The following FBXL7 variants were observed in gnomAD, a reference collection of about 807,000 sequenced individuals.
FBXL7 encodes F-box/LRR-repeat protein 7.
A neutral mutation model predicts 38.3 loss-of-function variants in FBXL7; 12 were observed. The observed-to-expected ratio is 0.31, with a 90% confidence interval of 0.20 to 0.51. FBXL7 has a LOEUF of 0.51. Among genes scored for constraint, FBXL7 ranks in the 20% least tolerant of loss-of-function variants. FBXL7 has a pLI of 0.98. For synonymous variants in FBXL7, 297 were observed against 300.9 expected (o/e 0.99, Z 0.13); for missense variants, 567 against 676.4 (o/e 0.84, Z 1.79).
intron 1 of FBXL7, among the ~76,000 whole-genome samples, chr5:15,567,744 C>G (rs934359887): frequency 1.3e-5 from 2 of 151,834 alleles, no homozygotes; most frequent in Non-Finnish European, 2.9e-5. Context: ...TATCCCTCCC[C>G]CCTCACCCCA....
chr5:15,801,381 A>G (rs1737559208), intron 2 of FBXL7, among the ~76,000 whole-genome samples: 2 of 152,208 alleles, frequency 1.3e-5, no homozygotes, highest in Non-Finnish European at 2.9e-5. Context: ...AGCCACATAT[A>G]TGGAGAACTT....
chr5:15,824,473 T>G (rs1471676156), intron 2 of FBXL7, among the ~76,000 whole-genome samples: 7 of 151,996 alleles, frequency 4.6e-5, no homozygotes, highest in Non-Finnish European at 8.8e-5. Context: ...CTTGTGACCG[T>G]GGCGCCCTCT....
intron 1 of FBXL7, among the ~76,000 whole-genome samples, chr5:15,520,076 A>T (rs1321011715): frequency 6.7e-6 from 1 of 148,676 alleles, no homozygotes; most frequent in Non-Finnish European, 1.5e-5. Flanking sequence ...TAACTTCCTG[A>T]TATATTGCCA....
intron 2 of FBXL7, among the ~76,000 whole-genome samples, chr5:15,701,091 A>G (rs1021879714): frequency 3.3e-5 from 5 of 152,134 alleles, no homozygotes; most frequent in African/African-American, 1.2e-4. Flanking sequence ...GACATTTGTG[A>G]ATTTTTTGAG....
chr5:15,615,715 A>G (rs1740423542), intron 1 of FBXL7, among the ~76,000 whole-genome samples: 1 of 152,210 alleles, frequency 6.6e-6, no homozygotes, highest in Non-Finnish European at 1.5e-5. Flanking sequence ...AGATTATGTT[A>G]TCATATTTGA....
intron 2 of FBXL7, among the ~76,000 whole-genome samples, chr5:15,867,310 C>G (rs1259970803): frequency 2.0e-5 from 3 of 152,162 alleles, no homozygotes; most frequent in Non-Finnish European, 4.4e-5. Flanking sequence ...AGAAGACTAC[C>G]TATCATCTCC....
At chr5:15,584,820 A>G (rs1312439945) in intron 1 of FBXL7, among the ~76,000 whole-genome samples, 3 of 152,214 alleles carry the variant, frequency 2.0e-5, no homozygotes, top group Non-Finnish European at 2.9e-5. Context: ...AAGAGTTTCA[A>G]TTGACTCACA....
chr5:15,534,327 A>G lies in FBXL7; in HGVS notation c.37+33614A>G, dbSNP rs574062418. Among the ~76,000 whole-genome samples the G allele has an allele frequency of 7.1e-4, 107 of 151,716 alleles. 1 individual carries two copies. The highest frequency in any genetic ancestry group is 2.4e-3 in the African/African-American group (101 of 41,280). ...CCTAAAAATCCTCTGTGCTCTGCCT[A>G]TTCTCTCCCTAACTCCTTGGCAACC... On this transcript the variant is annotated intron_variant, in intron 1 of 3. Coordinates refer to ENST00000504595, the MANE Select transcript of FBXL7 (RefSeq NM_012304.5).
At chr5:15,780,059 CT>C (rs1231677226) in intron 2 of FBXL7, among the ~76,000 whole-genome samples, 1 of 152,116 alleles carries the variant, frequency 6.6e-6, no homozygotes, top group Non-Finnish European at 1.5e-5. Context: ...TTGGCCAGTC[CT>C]CCTTTGAAAC....
chr5:15,666,722 C>A (rs968345549), intron 2 of FBXL7, among the ~76,000 whole-genome samples: 8 of 152,206 alleles, frequency 5.3e-5, no homozygotes, highest in Admixed American at 3.3e-4. Context: ...ACACTTGGAT[C>A]ATATCACAGC....
chr5:15,826,796 C>G (rs1020034662), intron 2 of FBXL7, among the ~76,000 whole-genome samples: 9 of 152,120 alleles, frequency 5.9e-5, no homozygotes, highest in Admixed American at 2.0e-4. Context: ...TAGGCTATTT[C>G]AGTACTATCA....
intron 1 of FBXL7, among the ~76,000 whole-genome samples, chr5:15,587,245 C>T (rs1739334022): frequency 6.6e-6 from 1 of 152,300 alleles, no homozygotes; most frequent in African/African-American, 2.4e-5. Flanking sequence ...CTGGCTGATG[C>T]TAAGATCAGG....
intron 1 of FBXL7, among the ~76,000 whole-genome samples, chr5:15,592,883 T>G (rs1026197895): frequency 3.3e-5 from 5 of 152,206 alleles, no homozygotes; most frequent in African/African-American, 1.2e-4. Context: ...TTTGTACTTG[T>G]AAATGAATAG....
chr5:15,799,898 G>A (rs559563534), intron 2 of FBXL7, among the ~76,000 whole-genome samples: 19 of 151,764 alleles, frequency 1.3e-4, no homozygotes, highest in African/African-American at 4.6e-4. Context: ...ATCACTCTCA[G>A]CAGTTGAAAA....
At position 15,938,933 on chromosome 5, in the gene FBXL7, T is replaced by A. The variant is rs545857327; in HGVS notation, c.*1747T>A. 22 of 399,034 alleles carry A rather than the reference T, an allele frequency of 5.5e-5. No individual in the cohort carries two copies. The South Asian group carries it at 2.7e-3, about 48-fold the overall frequency. 24.7% of individuals were successfully genotyped at this position (399,034 alleles called of 1,614,324 possible). A position where few individuals can be genotyped will look rare whatever the true frequency, so the allele number is the denominator to read the frequency against. On this transcript the variant is annotated 3_prime_UTR_variant, in exon 4 of 4. Transcript: ENST00000504595. ...CTTTGTTACGTTGAAATCCCTCATTTATTTTCTTCTCAAAATGCCCATTAT... is the reference window on the plus strand; with the variant it reads ...CTTTGTTACGTTGAAATCCCTCATTAATTTTCTTCTCAAAATGCCCATTAT...
intron 2 of FBXL7, among the ~76,000 whole-genome samples, chr5:15,757,182 C>T (rs775887725): frequency 1.4e-4 from 22 of 152,142 alleles, no homozygotes; most frequent in Non-Finnish European, 2.5e-4. Context: ...ACTCCTATTT[C>T]ACAATCCTTT....
chr5:15,735,426 T>C (rs1365796201), intron 2 of FBXL7, among the ~76,000 whole-genome samples: 1 of 152,176 alleles, frequency 6.6e-6, no homozygotes, highest in Non-Finnish European at 1.5e-5. Flanking sequence ...CAATTGCTTC[T>C]AGGTGTGTAA....
At chr5:15,696,578 C>T (rs538040417) in intron 2 of FBXL7, among the ~76,000 whole-genome samples, 1 of 152,184 alleles carries the variant, frequency 6.6e-6, no homozygotes, top group Non-Finnish European at 1.5e-5. Context: ...CAACCTTGCC[C>T]AGCTTCCTTG....
At chr5:15,568,918 C>A (rs1441129674) in intron 1 of FBXL7, among the ~76,000 whole-genome samples, 1 of 152,092 alleles carries the variant, frequency 6.6e-6, no homozygotes, top group Non-Finnish European at 1.5e-5. Flanking sequence ...GGCATTATTT[C>A]TGAGGGCTCT....
Sources: allele counts gnomAD v4.1 joint callset (sites outside exome capture counted in the v4.1 genomes callset), GRCh38; gene constraint gnomAD v4.1.1; transcripts MANE v1.5; gene names NCBI Gene and HGNC (gene_info 2026-07-23, HGNC 2026-07-21).